The following NAA11 variants were observed in gnomAD, a reference collection of about 807,000 sequenced individuals.
NAA11 encodes N-alpha-acetyltransferase 11.
A neutral mutation model predicts 16.1 loss-of-function variants in NAA11; 15 were observed. The ratio of observed to expected loss-of-function variants is 0.93; its 90% CI spans 0.62 to 1.44. The LOEUF (loss-of-function observed/expected upper bound fraction) is 1.44. NAA11 is among the 40% of genes most tolerant of loss of function. NAA11 has a pLI of 0.00. For synonymous variants in NAA11, 122 were observed against 112.4 expected (o/e 1.09, Z -0.54); for missense variants, 298 against 291.3 (o/e 1.02, Z -0.17).
chr4:79,312,952 G>A (rs984837615), downstream of NAA11, among the ~76,000 whole-genome samples: 5 of 152,156 alleles, frequency 3.3e-5, no homozygotes, highest in African/African-American at 7.2e-5. Context: ...AGAGTAAAAG[G>A]TAACTTTTAT....
chr4:79,224,613 T>G (rs1165510408), downstream of NAA11, among the ~76,000 whole-genome samples: 1 of 151,868 alleles, frequency 6.6e-6, no homozygotes, highest in Admixed American at 6.6e-5. Flanking sequence ...GAGGGGTGAT[T>G]TGGTGCTAAT....
At chr4:79,213,827 C>G in the NAA11 span, among the ~76,000 whole-genome samples, 1 of 152,272 alleles carries the variant, frequency 6.6e-6, no homozygotes, top group African/African-American at 2.4e-5. Flanking sequence ...ATTATAATTG[C>G]TCACCTTCAC....
chr4:79,207,126 T>C, the NAA11 span, among the ~76,000 whole-genome samples: 1 of 151,964 alleles, frequency 6.6e-6, no homozygotes, highest in Non-Finnish European at 1.5e-5. Context: ...TTTTGAGATA[T>C]GAGATTGTAT....
intron 2 of NAA11, among the ~76,000 whole-genome samples, chr4:79,226,482 G>A (rs1721316679): frequency 6.6e-6 from 1 of 151,882 alleles, no homozygotes; most frequent in Admixed American, 6.6e-5. Context: ...ACAACGTGCA[G>A]GTTTGTTACA....
At chr4:79,215,973 T>C in the NAA11 span, among the ~76,000 whole-genome samples, 1 of 152,184 alleles carries the variant, frequency 6.6e-6, no homozygotes, top group Non-Finnish European at 1.5e-5. Context: ...ACCATAACTA[T>C]TACAGATTCA....
chr4:79,173,773 A>T, the NAA11 span, among the ~76,000 whole-genome samples: 1 of 152,140 alleles, frequency 6.6e-6, no homozygotes, highest in African/African-American at 2.4e-5. Flanking sequence ...TCTGGGGCTA[A>T]TGAGAAGACA....
intron 2 of NAA11, among the ~76,000 whole-genome samples, chr4:79,234,762 G>T (rs1317575824): frequency 2.6e-5 from 4 of 151,922 alleles, no homozygotes; most frequent in Non-Finnish European, 5.9e-5. Context: ...GAATGTCTGG[G>T]TTTTTTTCAT....
chr4:79,172,525 C>T, the NAA11 span, among the ~76,000 whole-genome samples: 1 of 152,006 alleles, frequency 6.6e-6, no homozygotes, highest in Non-Finnish European at 1.5e-5. Flanking sequence ...GTTGTTTGCA[C>T]AGATGAGTTT....
chr4:79,181,164 C>G, the NAA11 span, among the ~76,000 whole-genome samples: 1 of 150,766 alleles, frequency 6.6e-6, no homozygotes, highest in Admixed American at 6.6e-5. Flanking sequence ...ACCAACATGG[C>G]ACATGTATAC....
In NAA11 at chr4:79,325,887, G is replaced by C; in HGVS notation, c.-10C>G. 1.3e-6 allele frequency: 2 copies of C among 1,598,678 alleles called. No homozygotes were observed. The highest frequency in any genetic ancestry group is 1.7e-6 in the Non-Finnish European group (2 of 1,171,440). ...CGTTGCGGATGTTCATAATGGCAGAGGGTAGGGAACCGGTTGGACTGCAGT... is the reference window on the plus strand; with the variant it reads ...CGTTGCGGATGTTCATAATGGCAGACGGTAGGGAACCGGTTGGACTGCAGT... On this transcript the variant is annotated 5_prime_UTR_variant, in exon 1 of 2. Transcript: ENST00000286794.
At chr4:79,234,051 G>A (rs578219402) in intron 2 of NAA11, among the ~76,000 whole-genome samples, 2 of 152,162 alleles carry the variant, frequency 1.3e-5, no homozygotes, top group Admixed American at 6.6e-5. Context: ...AATGGAAACT[G>A]CAATCTTTTG....
chr4:79,206,376 TC>T, the NAA11 span, among the ~76,000 whole-genome samples: 2 of 151,886 alleles, frequency 1.3e-5, no homozygotes, highest in Non-Finnish European at 2.9e-5. Flanking sequence ...TCAAAGACTT[TC>T]CCCCCCATCT....
chr4:79,160,234 C>T, the NAA11 span, among the ~76,000 whole-genome samples: 8 of 152,128 alleles, frequency 5.3e-5, no homozygotes, highest in African/African-American at 1.9e-4. Context: ...TCAGGTGATC[C>T]AGCCGCCTCG....
In NAA11 at chr4:79,285,588, T is replaced by C. The variant is rs141167981; in HGVS notation, c.*122+8417A>G. 4.1e-3 allele frequency among the ~76,000 whole-genome samples: 628 copies of C among 152,102 alleles called. 3 individuals are homozygous for C. The highest frequency in any genetic ancestry group is 0.014 in the African/African-American group (600 of 41,544). ...TGGAAATTAATTTTGAGTTGAAATA[T>C]TAAATGAAGTAGAATGTTTTATCAT... On this transcript the variant is annotated intron_variant and NMD_transcript_variant, in intron 2 of 2. Coordinates refer to the NAA11 transcript ENST00000511542.
chr4:79,212,170 C>G, the NAA11 span, among the ~76,000 whole-genome samples: 1 of 152,128 alleles, frequency 6.6e-6, no homozygotes, highest in Non-Finnish European at 1.5e-5. Flanking sequence ...CCATTTTAAA[C>G]AGGTTATTCT....
the NAA11 span, among the ~76,000 whole-genome samples, chr4:79,167,674 A>G: frequency 6.6e-6 from 1 of 152,022 alleles, no homozygotes; most frequent in East Asian, 1.9e-4. Flanking sequence ...TTATCAAGAA[A>G]AGAGGTTTAA....
At chr4:79,260,979 G>A (rs1460551912) in intron 2 of NAA11, among the ~76,000 whole-genome samples, 3 of 152,136 alleles carry the variant, frequency 2.0e-5, no homozygotes, top group Non-Finnish European at 4.4e-5. Context: ...TTTGGCCTTA[G>A]AGCTATATGT....
intron 1 of NAA11, among the ~76,000 whole-genome samples, chr4:79,295,731 A>G (rs1234323817): frequency 6.6e-6 from 1 of 152,230 alleles, no homozygotes; most frequent in Non-Finnish European, 1.5e-5. Context: ...TTGCTGTTCA[A>G]TTTAAAAAGA....
chr4:79,269,809 T>G (rs1303320433), intron 2 of NAA11, among the ~76,000 whole-genome samples: 3 of 143,926 alleles, frequency 2.1e-5, no homozygotes, highest in African/African-American at 5.2e-5. Context: ...ATGCCTAGGT[T>G]TTCTTCTAGG....
Sources: gnomAD v4.1 joint callset for allele counts (sites outside exome capture counted in the v4.1 genomes callset) on GRCh38, gnomAD v4.1.1 for gene constraint, MANE v1.5 for transcripts, NCBI Gene and HGNC (gene_info 2026-07-23, HGNC 2026-07-21) for gene names.